The following EPHA5 variants were observed in gnomAD, a reference collection of about 807,000 sequenced individuals.
The protein encoded by EPHA5 is EPH receptor A5.
EPHA5 carries 60 observed loss-of-function variants against 105.0 expected under a neutral mutation model. That is an observed-to-expected ratio of 0.57 (90% CI 0.46 to 0.71). EPHA5 has a LOEUF of 0.71. Ranked by LOEUF, EPHA5 falls within the 30% of genes least tolerant of loss-of-function variation. The probability of loss-of-function intolerance (pLI) is 0.00; values close to 1 mark genes in which losing one functional copy is unlikely to be tolerated. For missense variants in EPHA5, 1,218 were observed against 1,274.7 expected (o/e 0.96, Z 0.68); for synonymous variants, 513 against 449.1 (o/e 1.14, Z -1.80).
At position 65,390,289 on chromosome 4, in the gene EPHA5, C is replaced by T. The variant is rs901126112; in HGVS notation, c.1793+14085G>A. Among the ~76,000 whole-genome samples the T allele has an allele frequency of 7.2e-5, 11 of 151,932 alleles. No individual in the cohort carries two copies. The East Asian group carries it at 1.9e-3, about 27-fold the overall frequency. On this transcript the variant is annotated intron_variant, in intron 8 of 16. Transcript: ENST00000613740. ...TCCCCTGCCTTGATAACCCCAGGCC[C>T]AGGTTCCAGGCAACTAGAGACCTCT...
At chr4:65,370,149 T>G (rs1465018429) in intron 8 of EPHA5, among the ~76,000 whole-genome samples, 1 of 152,108 alleles carries the variant, frequency 6.6e-6, no homozygotes, top group African/African-American at 2.4e-5. Flanking sequence ...TCATAACACT[T>G]AGATACATAT....
chr4:65,622,576 T>C, intron 2 of EPHA5, among the ~76,000 whole-genome samples: 1 of 152,116 alleles, frequency 6.6e-6, no homozygotes, highest in East Asian at 1.9e-4. Flanking sequence ...AAAACCAAAT[T>C]TGTTCAATTT....
Position 65,670,468 on chromosome 4 carries a change from C to A in EPHA5, c.-726G>T. On this transcript the variant is annotated 5_prime_UTR_variant, in exon 1 of 17. Transcript: ENST00000613740. ...TGCGAAGTCGAGGTTGAAACTGCAC[C>A]GCCAAGGCGCGCTCCTGCTGTGTCT... 4.3e-6 allele frequency: 1 copy of A among 233,254 alleles called. No individual in the cohort carries two copies. Among genetic ancestry groups the A allele is most frequent in the East Asian group, 6.0e-5 (1 of 16,556 alleles). The allele number at this position is 233,254 out of a possible 1,614,324, so 14.4% of individuals were successfully genotyped here. A position where few individuals can be genotyped will look rare whatever the true frequency, so the allele number is the denominator to read the frequency against.
chr4:65,376,882 T>A lies in EPHA5; in HGVS notation c.1794-9458A>T, dbSNP rs920993931. On this transcript the variant is annotated intron_variant, in intron 8 of 16. Coordinates refer to ENST00000613740, the MANE Select transcript of EPHA5 (RefSeq NM_001281766.3). ...TGAAATCACTTGTTAGGATTCACCT[T>A]GGGGAGCCAGTTTTATTCTACTCAA... 5 of 812,454 alleles carry A rather than the reference T, an allele frequency of 6.2e-6. No individual in the cohort carries two copies. The Admixed American group carries it at 1.7e-4, about 27-fold the overall frequency. The allele number at this position is 812,454 out of a possible 1,614,324, so 50.3% of individuals were successfully genotyped here. A position where few individuals can be genotyped will look rare whatever the true frequency, so the allele number is the denominator to read the frequency against.
At chr4:65,545,046 T>C (rs2149329001) in intron 3 of EPHA5, among the ~76,000 whole-genome samples, 1 of 151,974 alleles carries the variant, frequency 6.6e-6, no homozygotes, top group Admixed American at 6.6e-5. Flanking sequence ...ATATTCATTA[T>C]GGAAACGACT....
At chr4:65,653,024 A>G (rs1193794028) in intron 1 of EPHA5, among the ~76,000 whole-genome samples, 1 of 152,108 alleles carries the variant, frequency 6.6e-6, no homozygotes, top group African/African-American at 2.4e-5. Flanking sequence ...ATTTAAAAAA[A>G]TGTAAGCAAA....
chr4:65,328,813 C>T (rs1236673508), intron 16 of EPHA5, among the ~76,000 whole-genome samples: 1 of 150,952 alleles, frequency 6.6e-6, no homozygotes, highest in Non-Finnish European at 1.5e-5. Context: ...GTAGGTACTC[C>T]TATGTGTACT....
Position 65,436,870 on chromosome 4 carries a change from C to T in EPHA5, c.1403-16305G>A, listed in dbSNP as rs192382420. ...CTTTTTCCCCCCTTTATTTAGCACTCATTTGATTGTTATTTTTATGCCCTC... is the reference window on the plus strand; with the variant it reads ...CTTTTTCCCCCCTTTATTTAGCACTTATTTGATTGTTATTTTTATGCCCTC... On this transcript the variant is annotated intron_variant, in intron 5 of 16. Coordinates refer to ENST00000613740, the MANE Select transcript of EPHA5 (RefSeq NM_001281766.3). Among the ~76,000 whole-genome samples the T allele has an allele frequency of 1.6e-3, 243 of 152,014 alleles. 1 individual carries two copies. Among genetic ancestry groups the T allele is most frequent in the African/African-American group, 5.6e-3 (234 of 41,536 alleles).
At chr4:65,473,722 A>G (rs1729514486) in intron 5 of EPHA5, among the ~76,000 whole-genome samples, 2 of 152,120 alleles carry the variant, frequency 1.3e-5, no homozygotes, top group South Asian at 4.1e-4. Context: ...GATCCAAACC[A>G]TATCACTTAT....
intron 3 of EPHA5, among the ~76,000 whole-genome samples, chr4:65,600,286 A>C (rs1409914379): frequency 1.3e-5 from 2 of 152,176 alleles, no homozygotes; most frequent in African/African-American, 4.8e-5. Context: ...TTCCCCAATA[A>C]GCTTTTAAGC....
intron 1 of EPHA5, among the ~76,000 whole-genome samples, chr4:65,654,926 T>C (rs1231072923): frequency 2.0e-5 from 3 of 148,242 alleles, no homozygotes; most frequent in Admixed American, 1.4e-4. Flanking sequence ...TATGTATGTA[T>C]ATAAGCTTTG....
chr4:65,643,495 T>C (rs1747847437), intron 1 of EPHA5, 68 bp from the exon 2 acceptor site: 1 of 1,302,124 alleles, frequency 7.7e-7, no homozygotes, highest in East Asian at 2.4e-5. Context: ...TCTATTTTAA[T>C]AGTGTTATTA....
chr4:65,341,829 C>T (rs576201686), intron 14 of EPHA5, among the ~76,000 whole-genome samples: 39 of 151,888 alleles, frequency 2.6e-4, no homozygotes, highest in Non-Finnish European at 4.1e-4. Flanking sequence ...CTTGAAATCT[C>T]ACATATAGGA....
At chr4:65,509,209 C>T (rs1426449314) in intron 3 of EPHA5, among the ~76,000 whole-genome samples, 1 of 152,074 alleles carries the variant, frequency 6.6e-6, no homozygotes, top group Non-Finnish European at 1.5e-5. Flanking sequence ...AAAATTCACG[C>T]TCAAAATAAC....
At chr4:65,659,103 G>A (rs574629227) in intron 1 of EPHA5, among the ~76,000 whole-genome samples, 1 of 151,974 alleles carries the variant, frequency 6.6e-6, no homozygotes, top group African/African-American at 2.4e-5. Flanking sequence ...GTTATAAAAA[G>A]TAGTGCTGCC....
rs188116759 is a variant in EPHA5 at position 65,331,996 on chromosome 4, G to A, written c.2922C>T (p.Asp974=). 2.9e-5 allele frequency: 47 copies of A among 1,608,192 alleles called. No individual in the cohort carries two copies. The highest frequency in any genetic ancestry group is 8.5e-5 in the Admixed American group (5 of 58,710). ...IFMENGYSSM[D]AVAQVTLEDL... is the part of the protein sequence containing the mutation. Reference sequence around the variant, plus strand: ...ACTCCAAGGTCACCTGAGCCACAGCGTCCATTGAACTGTATCCATTTTCCA... The same window carrying A: ...ACTCCAAGGTCACCTGAGCCACAGCATCCATTGAACTGTATCCATTTTCCA... Residue 974 remains aspartate, a synonymous_variant, in exon 16 of 17, where the codon GAC becomes GAT. Coordinates refer to ENST00000613740, the MANE Select transcript of EPHA5 (RefSeq NM_001281766.3).
chr4:65,410,041 C>T (rs1722769385), intron 7 of EPHA5, among the ~76,000 whole-genome samples: 1 of 152,084 alleles, frequency 6.6e-6, no homozygotes, highest in Admixed American at 6.6e-5. Context: ...CTATACAATC[C>T]AGTGTTGTAC....
chr4:65,648,229 T>A (rs1006942194), intron 1 of EPHA5, among the ~76,000 whole-genome samples: 1 of 152,222 alleles, frequency 6.6e-6, no homozygotes, highest in African/African-American at 2.4e-5. Flanking sequence ...AGGTTAATAA[T>A]ACAAATATGT....
chr4:65,419,029 G>A (rs962578401), intron 6 of EPHA5, among the ~76,000 whole-genome samples: 2 of 151,202 alleles, frequency 1.3e-5, no homozygotes, highest in Non-Finnish European at 2.9e-5. Flanking sequence ...GATTACAGGT[G>A]CCCGCTACCA....
Sources: gnomAD v4.1 joint callset for allele counts (sites outside exome capture counted in the v4.1 genomes callset) on GRCh38, gnomAD v4.1.1 for gene constraint, MANE v1.5 for transcripts, NCBI Gene and HGNC (gene_info 2026-07-23, HGNC 2026-07-21) for gene names.